Variants in SGCZ observed in about 807,000 individuals in gnomAD.
The protein encoded by SGCZ is sarcoglycan zeta.
In SGCZ, 40 loss-of-function variants were observed where a neutral mutation model predicts 41.3. The observed-to-expected ratio is 0.97, with a 90% CI of 0.75 to 1.26. The LOEUF (loss-of-function observed/expected upper bound fraction) is 1.26, where lower values mean the gene tolerates loss of function less well. SGCZ is among the 50% of genes most tolerant of loss of function. The pLI is 0.00. For missense variants in SGCZ, 552 were observed against 369.8 expected (o/e 1.49, Z -4.04); for synonymous variants, 206 against 137.5 (o/e 1.50, Z -3.49).
intron 1 of SGCZ, among the ~76,000 whole-genome samples, chr8:14,643,013 G>C (rs1330820952): frequency 1.3e-5 from 2 of 151,544 alleles, no homozygotes; most frequent in East Asian, 1.9e-4. Flanking sequence ...TTTTTTAAAT[G>C]AATATATTTT....
chr8:14,386,548 T>C (rs1238874373), intron 2 of SGCZ, among the ~76,000 whole-genome samples: 1 of 152,216 alleles, frequency 6.6e-6, no homozygotes, highest in Non-Finnish European at 1.5e-5. Flanking sequence ...AAACAGTTTT[T>C]AGAAATGTTT....
chr8:14,914,192 A>G (rs1799360175), intron 1 of SGCZ, among the ~76,000 whole-genome samples: 1 of 151,472 alleles, frequency 6.6e-6, no homozygotes, highest in African/African-American at 2.4e-5. Flanking sequence ...AAATATAGTT[A>G]TACACAAACA....
intron 2 of SGCZ, among the ~76,000 whole-genome samples, chr8:14,515,871 T>C (rs1046699824): frequency 1.5e-4 from 23 of 152,136 alleles, no homozygotes; most frequent in African/African-American, 4.8e-4. Flanking sequence ...ATTTTAAAGA[T>C]GAATGATTTT....
At chr8:15,189,168 G>C (rs1800447215) in intron 1 of SGCZ, among the ~76,000 whole-genome samples, 1 of 152,122 alleles carries the variant, frequency 6.6e-6, no homozygotes, top group African/African-American at 2.4e-5. Context: ...CAGTTTAGCA[G>C]TAATAATTTT....
intron 5 of SGCZ, among the ~76,000 whole-genome samples, chr8:14,124,609 T>C (rs1008268222): frequency 3.0e-4 from 45 of 152,332 alleles, no homozygotes; most frequent in African/African-American, 1.1e-3. Context: ...CTTAATCTCT[T>C]GCTCTGACAT....
At chr8:14,616,423 ATAAT>A (rs1806108411) in intron 1 of SGCZ, among the ~76,000 whole-genome samples, 1 of 152,210 alleles carries the variant, frequency 6.6e-6, no homozygotes, top group South Asian at 2.1e-4. Flanking sequence ...CCGAAAGCCT[ATAAT>A]TACTCTATTT....
chr8:14,504,088 C>CT, intron 2 of SGCZ, among the ~76,000 whole-genome samples: 1 of 151,918 alleles, frequency 6.6e-6, no homozygotes, highest in Non-Finnish European at 1.5e-5. Context: ...GTTTATTTTT[C>CT]TTTTTTGTCT....
intron 1 of SGCZ, among the ~76,000 whole-genome samples, chr8:14,941,248 G>A (rs1800265586): frequency 6.6e-6 from 1 of 151,916 alleles, no homozygotes. Context: ...ACCATTTAGG[G>A]GGAACTATCC....
rs1314533296 is a variant in SGCZ, at chr8:15,137,100, C to T, written c.39+100485G>A. ...CCGATAATGATATGTACAATAAAGT[C>T]CAGGCTGAGATGGTCTTAGAGGGAG... On this transcript the variant is annotated intron_variant, in intron 1 of 7. Coordinates refer to ENST00000382080, the MANE Select transcript of SGCZ (RefSeq NM_139167.4). Among the ~76,000 whole-genome samples, 10 of 152,084 alleles carry T rather than the reference C, an allele frequency of 6.6e-5. No individual in the cohort carries two copies. The East Asian group carries it at 1.9e-3, about 29-fold the overall frequency.
intron 1 of SGCZ, among the ~76,000 whole-genome samples, chr8:15,176,869 C>T (rs541978545): frequency 3.3e-4 from 51 of 152,244 alleles, no homozygotes; most frequent in African/African-American, 1.2e-3. Context: ...GGCGTGGTGG[C>T]AGGCGCCTGT....
At chr8:14,990,970 A>G (rs1312095732) in intron 1 of SGCZ, among the ~76,000 whole-genome samples, 1 of 152,160 alleles carries the variant, frequency 6.6e-6, no homozygotes, top group Non-Finnish European at 1.5e-5. Context: ...GGTTAAACTT[A>G]AAAATAATTC....
At chr8:14,098,564 C>T (rs1284811342) in intron 7 of SGCZ, among the ~76,000 whole-genome samples, 1 of 152,160 alleles carries the variant, frequency 6.6e-6, no homozygotes, top group East Asian at 1.9e-4. Context: ...AGAGGAAAGG[C>T]ATCCTCAAGC....
chr8:14,469,611 C>T (rs1027020482), intron 2 of SGCZ, among the ~76,000 whole-genome samples: 1 of 152,066 alleles, frequency 6.6e-6, no homozygotes, highest in South Asian at 2.1e-4. Flanking sequence ...TGGCCAGTAT[C>T]CCTTAGGTAG....
intron 2 of SGCZ, among the ~76,000 whole-genome samples, chr8:14,384,574 T>C (rs1338719987): frequency 6.6e-6 from 1 of 152,190 alleles, no homozygotes; most frequent in Non-Finnish European, 1.5e-5. Context: ...TTTATTTATT[T>C]CTTGAGACAA....
intron 2 of SGCZ, among the ~76,000 whole-genome samples, chr8:14,414,499 T>C (rs1437071151): frequency 2.0e-5 from 3 of 151,924 alleles, no homozygotes; most frequent in African/African-American, 7.2e-5. Flanking sequence ...CTGCTTGAGA[T>C]AAATTTAGGC....
intron 1 of SGCZ, among the ~76,000 whole-genome samples, chr8:14,861,911 C>G (rs978084110): frequency 6.6e-6 from 1 of 151,900 alleles, no homozygotes; most frequent in Admixed American, 6.6e-5. Flanking sequence ...ACATGTAATA[C>G]TAACTGAAAT....
chr8:14,600,580 A>C (rs62494840), intron 1 of SGCZ, among the ~76,000 whole-genome samples: 1 of 152,154 alleles, frequency 6.6e-6, no homozygotes, highest in Non-Finnish European at 1.5e-5. Context: ...AATTCTCCAC[A>C]GGAGGATGCA....
At chr8:14,414,547 T>G (rs1488411022) in intron 2 of SGCZ, among the ~76,000 whole-genome samples, 2 of 151,930 alleles carry the variant, frequency 1.3e-5, no homozygotes, top group Admixed American at 1.3e-4. Context: ...CTTATAAACC[T>G]CTTCAAAAGT....
chr8:14,975,997 T>TAC (rs1443452301), intron 1 of SGCZ, among the ~76,000 whole-genome samples: 34 of 91,348 alleles, frequency 3.7e-4, no homozygotes, highest in African/African-American at 9.0e-4. Context: ...TATATATATA[T>TAC]ATACATATAT....
Sources: gnomAD v4.1 joint callset for allele counts (sites outside exome capture counted in the v4.1 genomes callset) on GRCh38, gnomAD v4.1.1 for gene constraint, MANE v1.5 for transcripts, NCBI Gene and HGNC (gene_info 2026-07-23, HGNC 2026-07-21) for gene names.